ESCO2: variants seen among roughly 807,000 people sequenced by gnomAD.
The protein encoded by ESCO2 is N-acetyltransferase ESCO2.
In ESCO2, 51 loss-of-function variants were observed where a neutral mutation model predicts 61.7. That is an observed-to-expected ratio of 0.83 (90% confidence interval 0.66 to 1.04). The LOEUF (loss-of-function observed/expected upper bound fraction) is 1.04, where lower values mean the gene tolerates loss of function less well. Ranked by LOEUF, ESCO2 falls within the 50% of genes least tolerant of loss-of-function variation. ESCO2 has a pLI of 0.00. For missense variants in ESCO2, 692 were observed against 686.2 expected, an observed-to-expected ratio of 1.01 and a Z score of -0.09; for synonymous variants, 230 against 238.2, an observed-to-expected ratio of 0.97 and a Z score of 0.32.
intron 4 of ESCO2, among the ~76,000 whole-genome samples, chr8:27,781,274 T>C (rs1470419584): frequency 1.3e-5 from 2 of 152,228 alleles, no homozygotes; most frequent in East Asian, 3.8e-4. Context: ...CAGCTCAGAC[T>C]TTCACCTGCC....
chr8:27,804,165 C>G lies in ESCO2; in HGVS notation c.*727C>G. Reference sequence around the variant, plus strand: ...GAATAAGATTATCCCATATGCATTTCTGTAGAGCAGAATTTGATAGCTTAG... The same window carrying G: ...GAATAAGATTATCCCATATGCATTTGTGTAGAGCAGAATTTGATAGCTTAG... On this transcript the variant is annotated 3_prime_UTR_variant, in exon 11 of 11. Coordinates refer to ENST00000305188, the MANE Select transcript of ESCO2 (RefSeq NM_001017420.3). The G allele has an allele frequency of 1.0e-6, 1 of 985,276 alleles. No individual in the cohort carries two copies. Among genetic ancestry groups the G allele is most frequent in the South Asian group, 4.7e-5 (1 of 21,282 alleles). 61.0% of individuals were successfully genotyped at this position (985,276 alleles called of 1,614,324 possible).
chr8:27,788,530 TTC>T (rs1045012458), intron 6 of ESCO2, among the ~76,000 whole-genome samples: 3 of 121,770 alleles, frequency 2.5e-5, no homozygotes, highest in African/African-American at 6.0e-5. Context: ...TCTCTTTTTT[TTC>T]CCCCCCCAAA....
intron 9 of ESCO2, among the ~76,000 whole-genome samples, chr8:27,794,113 C>T (rs1050770773): frequency 6.6e-6 from 1 of 152,196 alleles, no homozygotes; most frequent in Admixed American, 6.5e-5. Context: ...TGTATATGTA[C>T]CACATTTTCT....
At chr8:27,816,343 C>CTATATATATATATATA (rs767822258), downstream of ESCO2, among the ~76,000 whole-genome samples, 16 of 136,376 alleles carry the variant, frequency 1.2e-4, 1 homozygote, top group Admixed American at 3.7e-4. Context: ...TCATCGAATA[C>CTATATATATATATATA]TATATATATA....
chr8:27,804,277 T>A lies in ESCO2; in HGVS notation c.*839T>A. On this transcript the variant is annotated 3_prime_UTR_variant, in exon 11 of 11. Coordinates refer to ENST00000305188, the MANE Select transcript of ESCO2 (RefSeq NM_001017420.3). ...GTAATTGCACTATTACTTAGTTAAT[T>A]TTTGTTGTATGGAAATATTGGTAGT... 1.0e-6 allele frequency: 1 copy of A among 985,326 alleles called. No homozygotes were observed. Among genetic ancestry groups the A allele is most frequent in the Non-Finnish European group, 1.2e-6 (1 of 829,856 alleles). The allele number at this position is 985,326 out of a possible 1,614,324, so 61.0% of individuals were successfully genotyped here.
At position 27,792,801 on chromosome 8, in the gene ESCO2, C is replaced by G. The variant is rs746422559; in HGVS notation, c.1487C>G (p.Pro496Arg). 2 of 1,599,466 alleles carry G rather than the reference C, an allele frequency of 1.3e-6. No individual in the cohort carries two copies. ...GTAGTTGGGTGTTTAATTGCAGAAC[C>G]CATCAAACAGGTATGGTATATTTGT... ...KRVVGCLIAEPIKQAFRVLSE... is the reference protein window; with the variant it reads ...KRVVGCLIAERIKQAFRVLSE... The change falls in exon 9 of 11, where the codon CCC (proline) becomes CGC (arginine). Residue 496 changes from proline (P) to arginine (R), a missense_variant. Coordinates refer to ENST00000305188, the MANE Select transcript of ESCO2 (RefSeq NM_001017420.3).
downstream of ESCO2, chr8:27,812,683 AAAG>A (rs1805715911): frequency 6.6e-6 from 1 of 151,608 alleles, no homozygotes; most frequent in South Asian, 2.1e-4. Context: ...CAACTTCTCA[AAAG>A]AAGACATTTA....
At position 27,792,777 on chromosome 8, in the gene ESCO2, T is replaced by C; in HGVS notation, c.1463T>C (p.Val488Ala). The change falls in exon 9 of 11, where the codon GTA becomes GCA. Residue 488 changes from valine (V) to alanine (A), a missense_variant. Val to Ala is a moderately conservative substitution (Grantham distance 64). Coordinates refer to ENST00000305188, the MANE Select transcript of ESCO2 (RefSeq NM_001017420.3). ...TFLFISDEKRVVGCLIAEPIK... is the reference protein window; with the variant it reads ...TFLFISDEKRAVGCLIAEPIK... ...CTTTTTATATCTGATGAAAAGAGAGTAGTTGGGTGTTTAATTGCAGAACCC... is the reference window on the plus strand; with the variant it reads ...CTTTTTATATCTGATGAAAAGAGAGCAGTTGGGTGTTTAATTGCAGAACCC... 6.2e-7 allele frequency: 1 copy of C among 1,606,830 alleles called. No homozygotes were observed. The highest frequency in any genetic ancestry group is 8.5e-7 in the Non-Finnish European group (1 of 1,177,762).
intron 7 of ESCO2, among the ~76,000 whole-genome samples, chr8:27,790,357 A>G (rs1805149291): frequency 6.6e-6 from 1 of 152,170 alleles, no homozygotes; most frequent in Non-Finnish European, 1.5e-5. Context: ...ATACTTTCAC[A>G]TGATTCAAAT....
chr8:27,802,624 AAAAAAAAT>A (rs1805460583), intron 10 of ESCO2, among the ~76,000 whole-genome samples: 2 of 66,766 alleles, frequency 3.0e-5, no homozygotes, highest in African/African-American at 6.1e-5. Flanking sequence ...AAAAAAAAAA[AAAAAAAAT>A]ATATATATAT....
Position 27,803,578 on chromosome 8 carries a change from A to G in ESCO2, c.*140A>G, listed in dbSNP as rs1039767444. On this transcript the variant is annotated 3_prime_UTR_variant, in exon 11 of 11. Coordinates refer to ENST00000305188, the MANE Select transcript of ESCO2 (RefSeq NM_001017420.3). Reference sequence around the variant, plus strand: ...CACACACACACACACGCACACACACATATCACAGTTTTGTTCCTTATGAGT... The same window carrying G: ...CACACACACACACACGCACACACACGTATCACAGTTTTGTTCCTTATGAGT... 20 of 1,447,108 alleles carry G rather than the reference A, an allele frequency of 1.4e-5. No homozygotes were observed. The African/African-American group carries it at 2.3e-4, about 17-fold the overall frequency. The allele number at this position is 1,447,108 out of a possible 1,614,324, so 89.6% of individuals were successfully genotyped here. A position where few individuals can be genotyped will look rare whatever the true frequency, so the allele number is the denominator to read the frequency against.
At chr8:27,791,841 A>G (rs1443823835) in intron 7 of ESCO2, 122 bp from the exon 8 acceptor site, 2 of 858,464 alleles carry the variant, frequency 2.3e-6, no homozygotes, top group East Asian at 2.6e-5. Context: ...GTTGGATTTC[A>G]TCTTCTTCTT....
chr8:27,792,312 C>G (rs1048246137), intron 8 of ESCO2, among the ~76,000 whole-genome samples: 1 of 151,852 alleles, frequency 6.6e-6, no homozygotes, highest in Non-Finnish European at 1.5e-5. Flanking sequence ...AATTAATGGC[C>G]CCCAGGGTCT....
downstream of ESCO2, among the ~76,000 whole-genome samples, chr8:27,808,551 A>G (rs1236697656): frequency 6.6e-6 from 1 of 151,714 alleles, no homozygotes; most frequent in Admixed American, 6.6e-5. Context: ...GTGGTGGCAC[A>G]CACCTGTGGT....
At chr8:27,779,480 TAGC>T (rs1357894167) in intron 3 of ESCO2, 1 of 152,222 alleles carries the variant, frequency 6.6e-6, no homozygotes, top group Non-Finnish European at 1.5e-5. Flanking sequence ...GTTCTTTCCT[TAGC>T]TGCTGATTTT....
intron 9 of ESCO2, among the ~76,000 whole-genome samples, chr8:27,798,869 A>AGGGG (rs1166995538): frequency 1.3e-5 from 2 of 152,116 alleles, no homozygotes; most frequent in Non-Finnish European, 2.9e-5. Context: ...AGGATGGGAG[A>AGGGG]GGGGGTAGTG....
downstream of ESCO2, among the ~76,000 whole-genome samples, chr8:27,816,094 C>T (rs1026058515): frequency 1.2e-4 from 18 of 152,004 alleles, no homozygotes; most frequent in African/African-American, 3.9e-4. Context: ...CATCATTTAG[C>T]GAGGCCTTCC....
At chr8:27,797,275 A>G (rs933927742) in intron 9 of ESCO2, among the ~76,000 whole-genome samples, 1 of 152,158 alleles carries the variant, frequency 6.6e-6, no homozygotes, top group Non-Finnish European at 1.5e-5. Context: ...TGTTAGATGC[A>G]TATGTATTTA....
At chr8:27,780,344 A>G in intron 4 of ESCO2, 77 bp downstream of exon 4, 2 of 992,940 alleles carry the variant, frequency 2.0e-6, no homozygotes, top group East Asian at 4.9e-5. Context: ...TAATTCTTGT[A>G]ATTTCTGGGT....
Sources: gnomAD v4.1 joint callset for allele counts (sites outside exome capture counted in the v4.1 genomes callset) on GRCh38, gnomAD v4.1.1 for gene constraint, MANE v1.5 for transcripts, NCBI Gene and HGNC (gene_info 2026-07-23, HGNC 2026-07-21) for gene names.